Variants in SLC5A3 observed in about 807,000 individuals in gnomAD.
The protein encoded by SLC5A3 is sodium/myo-inositol cotransporter.
Under a neutral mutation model 43.2 loss-of-function variants are expected in SLC5A3, and 10 were observed. The observed-to-expected ratio is 0.23, with a 90% CI of 0.14 to 0.39. The LOEUF (loss-of-function observed/expected upper bound fraction) is 0.39. Among genes scored for constraint, SLC5A3 ranks in the 10% least tolerant of loss-of-function variants. The probability of loss-of-function intolerance (pLI) is 1.00; values close to 1 mark genes in which losing one functional copy is unlikely to be tolerated. For synonymous variants in SLC5A3, 349 were observed against 322.0 expected (o/e 1.08, Z -0.90); for missense variants, 608 against 893.4 (o/e 0.68, Z 4.07).
At chr21:34,082,837 A>ACGT (rs1989490184) in intron 1 of SLC5A3, among the ~76,000 whole-genome samples, 1 of 152,190 alleles carries the variant, frequency 6.6e-6, no homozygotes, top group African/African-American at 2.4e-5. Flanking sequence ...CCCAAGGTGT[A>ACGT]ATTGACTTGT....
chr21:34,097,157 G>C lies in SLC5A3; in HGVS notation c.1959G>C (p.Arg653=), dbSNP rs767101776. The C allele has an allele frequency of 6.2e-7, 1 of 1,614,056 alleles. No individual in the cohort carries two copies. Among genetic ancestry groups the C allele is most frequent in the Non-Finnish European group, 8.5e-7 (1 of 1,179,948 alleles). The change falls in exon 2 of 2, where the codon CGG becomes CGC. Residue 653 remains arginine (R), a synonymous_variant. Coordinates refer to ENST00000381151, the MANE Select transcript of SLC5A3 (RefSeq NM_006933.7). ...ERKKETDDGG[R]YWKFIDWFCG... ...AGAAAGAAACGGATGATGGAGGTCG[G>C]TACTGGAAGTTCATAGACTGGTTTT... is the stretch of plus-strand genomic sequence containing the variant.
intron 1 of SLC5A3, among the ~76,000 whole-genome samples, chr21:34,082,173 TG>T (rs1321331961): frequency 3.3e-5 from 5 of 152,196 alleles, no homozygotes; most frequent in African/African-American, 1.2e-4. Flanking sequence ...GATAATTAGC[TG>T]TAGGTTGTCT....
intron 1 of SLC5A3, among the ~76,000 whole-genome samples, chr21:34,078,776 G>A (rs896558081): frequency 1.1e-4 from 16 of 152,166 alleles, no homozygotes; most frequent in Admixed American, 7.2e-4. Context: ...GAGAACAAAT[G>A]ATAAAATACT....
rs561630294 is a variant in SLC5A3 at position 34,096,912 on chromosome 21, A to C, written c.1714A>C (p.Ile572Leu). Residue 572 changes from isoleucine to leucine, a missense_variant, in exon 2 of 2, where the codon ATT becomes CTT. This residue lies in a region of SLC5A3 where 210 missense variants were observed against 224.8 expected (regional missense o/e 0.93). Coordinates refer to ENST00000381151, the MANE Select transcript of SLC5A3 (RefSeq NM_006933.7). The surrounding 1 kb of genome is among the most constrained non-coding windows in gnomAD (Gnocchi z 5.9). ...ACCATACAAAATGCAAGAAAAGAGC[A>C]TTCTGAGATGCAGTGAGAATAATGA... is the stretch of plus-strand genomic sequence containing the variant. Reference protein sequence around the residue: ...EEPYKMQEKSILRCSENNETI... With the variant: ...EEPYKMQEKSLLRCSENNETI... The C allele has an allele frequency of 2.5e-6, 4 of 1,614,186 alleles. No individual in the cohort carries two copies. In the African/African-American group the frequency reaches 5.3e-5, roughly 22 times the overall value.
Position 34,101,193 on chromosome 21 carries a change from C to G in SLC5A3, c.*3838C>G, listed in dbSNP as rs534939361. ...CAGATATTAGCCCGTTGGTAAAAGA[C>G]AACAAATATTAGCTTAAAATCTGCA... is the stretch of plus-strand genomic sequence containing the variant. On this transcript the variant is annotated 3_prime_UTR_variant, in exon 2 of 2. Transcript: ENST00000381151. The G allele has an allele frequency of 2.0e-6, 2 of 1,000,044 alleles. No homozygotes were observed. Among genetic ancestry groups the G allele is most frequent in the Non-Finnish European group, 2.4e-6 (2 of 829,900 alleles). The allele number at this position is 1,000,044 out of a possible 1,614,324, so 61.9% of individuals were successfully genotyped here. A position where few individuals can be genotyped will look rare whatever the true frequency, so the allele number is the denominator to read the frequency against.
At position 34,103,504 on chromosome 21, in the gene SLC5A3, G is replaced by A; in HGVS notation, c.*6149G>A. On this transcript the variant is annotated 3_prime_UTR_variant, in exon 2 of 2. Coordinates refer to ENST00000381151, the MANE Select transcript of SLC5A3 (RefSeq NM_006933.7). ...GTTGTGTTTCCATTGTAGGTTGATA[G>A]GTATATCGAGAACAGGTACGTGACA... 1.0e-6 allele frequency: 1 copy of A among 999,248 alleles called. No individual in the cohort carries two copies. The highest frequency in any genetic ancestry group is 1.2e-6 in the Non-Finnish European group (1 of 829,138). The allele number at this position is 999,248 out of a possible 1,614,324, so 61.9% of individuals were successfully genotyped here. A position where few individuals can be genotyped will look rare whatever the true frequency, so the allele number is the denominator to read the frequency against.
intron 1 of SLC5A3, among the ~76,000 whole-genome samples, chr21:34,082,256 T>A (rs1176151034): frequency 6.6e-6 from 1 of 152,188 alleles, no homozygotes; most frequent in Non-Finnish European, 1.5e-5. Flanking sequence ...TAGGACTGAT[T>A]TCAGCAATGG....
chr21:34,098,703 T>C lies in SLC5A3; in HGVS notation c.*1348T>C. The C allele has an allele frequency of 1.0e-6, 1 of 999,550 alleles. No homozygotes were observed. Among genetic ancestry groups the C allele is most frequent in the South Asian group, 4.7e-5 (1 of 21,282 alleles). 61.9% of individuals were successfully genotyped at this position (999,550 alleles called of 1,614,324 possible). A position where few individuals can be genotyped will look rare whatever the true frequency, so the allele number is the denominator to read the frequency against. On this transcript the variant is annotated 3_prime_UTR_variant, in exon 2 of 2. Coordinates refer to ENST00000381151, the MANE Select transcript of SLC5A3 (RefSeq NM_006933.7). The stretch of plus-strand genomic sequence containing the variant: ...TGTCTTGTGGAGGGTATTACAGGAC[T>C]GTGTAATTATAGGACTCTAACTTGA...
rs899583664 is a variant in SLC5A3 at position 34,095,973 on chromosome 21, G to A, written c.775G>A (p.Val259Ile). ...KMLRNPTDED[V>I]PWPGFILGQT... ...GCTGCGGAATCCAACAGATGAAGATGTTCCTTGGCCTGGATTCATTCTTGG... is the reference window on the plus strand; with the variant it reads ...GCTGCGGAATCCAACAGATGAAGATATTCCTTGGCCTGGATTCATTCTTGG... The change falls in exon 2 of 2, where the codon GTT becomes ATT. Residue 259 changes from valine to isoleucine, a missense_variant. Val to Ile is a conservative substitution (Grantham distance 29). This residue lies in a region of SLC5A3 where 398 missense variants were observed against 668.6 expected (regional missense o/e 0.60). Coordinates refer to ENST00000381151, the MANE Select transcript of SLC5A3 (RefSeq NM_006933.7). The A allele has an allele frequency of 1.9e-6, 3 of 1,614,148 alleles. No homozygotes were observed. Among genetic ancestry groups the A allele is most frequent in the Admixed American group, 1.7e-5 (1 of 60,010 alleles).
In SLC5A3 at chr21:34,100,583, T is replaced by C. The variant is rs530066104; in HGVS notation, c.*3228T>C. ...GGCACAAAGAGCCTGGCCAGGGTCA[T>C]GTAGCCATAGCTCTTAGGGATGATA... On this transcript the variant is annotated 3_prime_UTR_variant, in exon 2 of 2. Transcript: ENST00000381151. The C allele has an allele frequency of 6.9e-5, 69 of 1,000,274 alleles. No individual in the cohort carries two copies. In the South Asian group the frequency reaches 3.1e-3, roughly 45 times the overall value. The allele number at this position is 1,000,274 out of a possible 1,614,324, so 62.0% of individuals were successfully genotyped here.
chr21:34,098,904 A>T lies in SLC5A3; in HGVS notation c.*1549A>T, dbSNP rs1177422116. ...TTTCTTTGACCTTCTTTAATCTCTGATACTTTTTAGATTGCATGATTTTAC... is the reference window on the plus strand; with the variant it reads ...TTTCTTTGACCTTCTTTAATCTCTGTTACTTTTTAGATTGCATGATTTTAC... On this transcript the variant is annotated 3_prime_UTR_variant, in exon 2 of 2. Coordinates refer to ENST00000381151, the MANE Select transcript of SLC5A3 (RefSeq NM_006933.7). The T allele has an allele frequency of 8.0e-6, 8 of 996,646 alleles. No homozygotes were observed. Among genetic ancestry groups the T allele is most frequent in the Non-Finnish European group, 9.7e-6 (8 of 826,790 alleles). The allele number at this position is 996,646 out of a possible 1,614,324, so 61.7% of individuals were successfully genotyped here.
At position 34,103,266 on chromosome 21, in the gene SLC5A3, A is replaced by AT; in HGVS notation, c.*5914dup. On this transcript the variant is annotated 3_prime_UTR_variant, in exon 2 of 2. Coordinates refer to ENST00000381151, the MANE Select transcript of SLC5A3 (RefSeq NM_006933.7). ...TGCACCTTTCCGTTCTTAACAGAAAATTTGTATTTGTTATTCCTCTTAAAT... is the reference window on the plus strand; with the variant it reads ...TGCACCTTTCCGTTCTTAACAGAAAATTTTGTATTTGTTATTCCTCTTAAAT... 5 of 997,570 alleles carry AT rather than the reference A, an allele frequency of 5.0e-6. No individual in the cohort carries two copies. The highest frequency in any genetic ancestry group is 6.0e-6 in the Non-Finnish European group (5 of 828,706). 61.8% of individuals were successfully genotyped at this position (997,570 alleles called of 1,614,324 possible). A position where few individuals can be genotyped will look rare whatever the true frequency, so the allele number is the denominator to read the frequency against.
In SLC5A3 at chr21:34,095,195, C is replaced by A; in HGVS notation, c.-4C>A. ...TGGAGCGCTATTATTCACAAGTTAC[C>A]AGAATGAGAGCTGTACTGGACACAG... is the stretch of plus-strand genomic sequence containing the variant. On this transcript the variant is annotated 5_prime_UTR_variant, in exon 2 of 2. Coordinates refer to ENST00000381151, the MANE Select transcript of SLC5A3 (RefSeq NM_006933.7). 6.3e-7 allele frequency: 1 copy of A among 1,580,624 alleles called. No individual in the cohort carries two copies. The highest frequency in any genetic ancestry group is 1.2e-5 in the South Asian group (1 of 86,200).
Position 34,101,336 on chromosome 21 carries a change from G to C in SLC5A3, c.*3981G>C. 4 of 1,000,116 alleles carry C rather than the reference G, an allele frequency of 4.0e-6. No homozygotes were observed. The highest frequency in any genetic ancestry group is 4.8e-6 in the Non-Finnish European group (4 of 829,916). The allele number at this position is 1,000,116 out of a possible 1,614,324, so 62.0% of individuals were successfully genotyped here. A position where few individuals can be genotyped will look rare whatever the true frequency, so the allele number is the denominator to read the frequency against. Reference sequence around the variant, plus strand: ...AATAAGTTTCAGCTTTTTAAACCCTGGTTTGATGTTAAGCATTATAAAGTA... The same window carrying C: ...AATAAGTTTCAGCTTTTTAAACCCTCGTTTGATGTTAAGCATTATAAAGTA... On this transcript the variant is annotated 3_prime_UTR_variant, in exon 2 of 2. Transcript: ENST00000381151.
In SLC5A3 at chr21:34,105,995, T is replaced by C. The variant is rs907738023; in HGVS notation, c.*8640T>C. 1.0e-6 allele frequency: 1 copy of C among 995,138 alleles called. No homozygotes were observed. Among genetic ancestry groups the C allele is most frequent in the African/African-American group, 1.7e-5 (1 of 57,158 alleles). The allele number at this position is 995,138 out of a possible 1,614,324, so 61.6% of individuals were successfully genotyped here. ...TTTCATGTGTTTTTGAAAGTGTTAT[T>C]GTTTAAAAAATGAAAAAAGCATATC... On this transcript the variant is annotated 3_prime_UTR_variant, in exon 2 of 2. Coordinates refer to ENST00000381151, the MANE Select transcript of SLC5A3 (RefSeq NM_006933.7).
chr21:34,105,722 G>C lies in SLC5A3; in HGVS notation c.*8367G>C. 1.0e-6 allele frequency: 1 copy of C among 997,912 alleles called. No homozygotes were observed. Among genetic ancestry groups the C allele is most frequent in the South Asian group, 4.7e-5 (1 of 21,236 alleles). 61.8% of individuals were successfully genotyped at this position (997,912 alleles called of 1,614,324 possible). A position where few individuals can be genotyped will look rare whatever the true frequency, so the allele number is the denominator to read the frequency against. ...TTTTTGAATTGTAAATGGATTTCCA[G>C]TTTACCTTCTGTTGTCTACAGCTTT... On this transcript the variant is annotated 3_prime_UTR_variant, in exon 2 of 2. Transcript: ENST00000381151.
rs946227647 is a variant in SLC5A3, at chr21:34,105,769, A to C, written c.*8414A>C. On this transcript the variant is annotated 3_prime_UTR_variant, in exon 2 of 2. Coordinates refer to ENST00000381151, the MANE Select transcript of SLC5A3 (RefSeq NM_006933.7). The stretch of plus-strand genomic sequence containing the variant: ...CTTTTTTAATTTTAAGGTTTGACTA[A>C]TTGTATCCATCTCATTGTACAGTGT... The C allele has an allele frequency of 1.3e-5, 13 of 995,626 alleles. No individual in the cohort carries two copies. Among genetic ancestry groups the C allele is most frequent in the African/African-American group, 1.7e-5 (1 of 57,146 alleles). The allele number at this position is 995,626 out of a possible 1,614,324, so 61.7% of individuals were successfully genotyped here. A position where few individuals can be genotyped will look rare whatever the true frequency, so the allele number is the denominator to read the frequency against.
chr21:34,095,324 G>A lies in SLC5A3; in HGVS notation c.126G>A (p.Ala42=), dbSNP rs756150929. ...GCACCGTGAGTGGATACTTCCTGGC[G>A]GGGCGCTCTATGACCTGGGTAGCAA... ...NRSTVSGYFL[A]GRSMTWVAIG... Residue 42 remains alanine (A), a synonymous_variant, in exon 2 of 2, where the codon GCG becomes GCA. Coordinates refer to ENST00000381151, the MANE Select transcript of SLC5A3 (RefSeq NM_006933.7). 17 of 1,614,002 alleles carry A rather than the reference G, an allele frequency of 1.1e-5. No homozygotes were observed. The highest frequency in any genetic ancestry group is 9.9e-5 in the South Asian group (9 of 91,078).
chr21:34,105,427 CATTT>C lies in SLC5A3; in HGVS notation c.*8077_*8080del, dbSNP rs573841754. ...ATCCTGTGAAATTGCTTCATTCATT[CATTT>C]ATTTTTAAGCCAAATGTCAGCAGAG... On this transcript the variant is annotated 3_prime_UTR_variant, in exon 2 of 2. Coordinates refer to ENST00000381151, the MANE Select transcript of SLC5A3 (RefSeq NM_006933.7). 1.0e-3 allele frequency: 1,026 copies of C among 998,780 alleles called. No individual in the cohort carries two copies. Among genetic ancestry groups the C allele is most frequent in the Middle Eastern group, 1.6e-3 (3 of 1,910 alleles). 61.9% of individuals were successfully genotyped at this position (998,780 alleles called of 1,614,324 possible).
Sources: allele counts gnomAD v4.1 joint callset (sites outside exome capture counted in the v4.1 genomes callset), GRCh38; gene constraint gnomAD v4.1.1; regional missense constraint gnomAD v4.1.1; non-coding constraint Gnocchi (gnomAD v3.1); transcripts MANE v1.5; gene names NCBI Gene and HGNC (gene_info 2026-07-23, HGNC 2026-07-21).